The following PKHD1 variants were observed in gnomAD, a reference collection of about 807,000 sequenced individuals.
The protein encoded by PKHD1 is PKHD1 ciliary IPT domain containing fibrocystin/polyductin.
PKHD1 carries 291 observed loss-of-function variants against 412.0 expected under a neutral mutation model. The ratio of observed to expected loss-of-function variants is 0.71; its 90% confidence interval spans 0.64 to 0.78. PKHD1 has a LOEUF of 0.78. Among genes scored for constraint, PKHD1 ranks in the 30% least tolerant of loss-of-function variants. The probability of loss-of-function intolerance (pLI) is 0.00; values close to 1 mark genes in which losing one functional copy is unlikely to be tolerated. For missense variants in PKHD1, 4,825 were observed against 4,950.7 expected, an observed-to-expected ratio of 0.97 and a Z score of 0.76; for synonymous variants, 1,777 against 1,821.5, an observed-to-expected ratio of 0.98 and a Z score of 0.62.
chr6:51,807,437 CAAAA>C (rs1174429085), intron 52 of PKHD1, among the ~76,000 whole-genome samples: 697 of 38,966 alleles, frequency 0.018, 25 homozygotes, highest in African/African-American at 0.053. Context: ...GACTCTGTCT[CAAAA>C]AAAAAAAAAA....
chr6:51,927,849 G>A (rs1052292157), intron 37 of PKHD1, among the ~76,000 whole-genome samples: 8 of 152,224 alleles, frequency 5.3e-5, no homozygotes, highest in African/African-American at 1.9e-4. Flanking sequence ...CAACTTTCTA[G>A]TACTCCACCA....
chr6:51,758,662 T>C (rs1787471640), intron 55 of PKHD1, among the ~76,000 whole-genome samples: 1 of 152,002 alleles, frequency 6.6e-6, no homozygotes, highest in Non-Finnish European at 1.5e-5. Context: ...ATGGAAACCA[T>C]ATGAGAAGAG....
intron 55 of PKHD1, among the ~76,000 whole-genome samples, chr6:51,762,454 C>T (rs888771317): frequency 6.6e-6 from 1 of 152,030 alleles, no homozygotes; most frequent in Non-Finnish European, 1.5e-5. Context: ...TTTTGTTCAT[C>T]AGTCTTCACA....
At chr6:51,854,149 C>T (rs778553710) in intron 49 of PKHD1, among the ~76,000 whole-genome samples, 1 of 151,686 alleles carries the variant, frequency 6.6e-6, no homozygotes, top group African/African-American at 2.4e-5. Flanking sequence ...CTGTTGTTGT[C>T]GCTTTCTGCT....
chr6:52,043,741 G>T lies in PKHD1; in HGVS notation c.2716-11C>A. The T allele has an allele frequency of 6.2e-7, 1 of 1,604,204 alleles. No individual in the cohort carries two copies. Among genetic ancestry groups the T allele is most frequent in the Non-Finnish European group, 8.5e-7 (1 of 1,171,126 alleles). ...CACTCGCACAACCACCTGAAATGAG[G>T]CAAAATTTCTTTTCCATTTTATGCA... On this transcript the variant is annotated splice_polypyrimidine_tract_variant and intron_variant, in intron 25 of 66. Coordinates refer to ENST00000371117, the MANE Select transcript of PKHD1 (RefSeq NM_138694.4).
At chr6:51,946,846 G>A (rs1789523733) in intron 36 of PKHD1, among the ~76,000 whole-genome samples, 1 of 152,126 alleles carries the variant, frequency 6.6e-6, no homozygotes, top group African/African-American at 2.4e-5. Flanking sequence ...ACTTTTAGCA[G>A]CTAGCTAATG....
At chr6:51,741,885 G>C (rs192182760) in intron 60 of PKHD1, among the ~76,000 whole-genome samples, 43 of 152,150 alleles carry the variant, frequency 2.8e-4, no homozygotes, top group Non-Finnish European at 5.0e-4. Context: ...AAATACTCTG[G>C]AACATACATC....
At chr6:51,996,543 T>G (rs1797736199) in intron 35 of PKHD1, among the ~76,000 whole-genome samples, 1 of 152,238 alleles carries the variant, frequency 6.6e-6, no homozygotes, top group African/African-American at 2.4e-5. Context: ...TAACTGACTT[T>G]AAAGTCCTGC....
chr6:51,971,146 T>C (rs1270055), intron 35 of PKHD1, among the ~76,000 whole-genome samples: 5,714 of 152,282 alleles, frequency 0.038, 376 homozygotes, highest in African/African-American at 0.13. Flanking sequence ...TGGTTAAATA[T>C]ATTCGTAAGT....
At chr6:51,870,800 T>A (rs1260097847) in intron 46 of PKHD1, among the ~76,000 whole-genome samples, 161 bp from the exon 47 acceptor site, 1 of 151,242 alleles carries the variant, frequency 6.6e-6, no homozygotes, top group African/African-American at 2.4e-5. Context: ...ATATCCAGAA[T>A]ATAGAAAGAA....
rs1049533058 is a variant in PKHD1, at chr6:51,772,559, C to G, written c.8642+143G>C. The G allele has an allele frequency of 3.0e-5, 16 of 539,134 alleles. No individual in the cohort carries two copies. In the East Asian group the frequency reaches 4.6e-4, roughly 16 times the overall value. 33.4% of individuals were successfully genotyped at this position (539,134 alleles called of 1,614,324 possible). ...GTTATAGAGATATTTTTTAAATTCC[C>G]TATAATCGCTTATTTTTCTACTTGC... On this transcript the variant is annotated intron_variant, in intron 55 of 66. Transcript: ENST00000371117.
chr6:51,891,712 A>AACAC (rs58262423), intron 43 of PKHD1, among the ~76,000 whole-genome samples: 18,276 of 143,726 alleles, frequency 0.13, 1,271 homozygotes, highest in Non-Finnish European at 0.18. Context: ...TTCCACAAGG[A>AACAC]ACACACACAC....
intron 43 of PKHD1, among the ~76,000 whole-genome samples, chr6:51,899,610 A>G (rs1368812561): frequency 6.6e-6 from 1 of 151,122 alleles, no homozygotes; most frequent in Non-Finnish European, 1.5e-5. Context: ...CTGGCACAAG[A>G]CAGGGATGCC....
intron 21 of PKHD1, among the ~76,000 whole-genome samples, chr6:52,051,943 C>T (rs1017198216): frequency 6.6e-6 from 1 of 152,056 alleles, no homozygotes; most frequent in East Asian, 1.9e-4. Flanking sequence ...AGCAATGACC[C>T]AGATGTCCCC....
At chr6:51,631,128 C>A (rs957976048) in intron 65 of PKHD1, among the ~76,000 whole-genome samples, 3 of 152,076 alleles carry the variant, frequency 2.0e-5, no homozygotes, top group Non-Finnish European at 2.9e-5. Context: ...CCCTGCATGG[C>A]TACTAGGTTT....
chr6:51,980,591 C>A (rs1795010995), intron 35 of PKHD1, among the ~76,000 whole-genome samples: 1 of 152,034 alleles, frequency 6.6e-6, no homozygotes, highest in African/African-American at 2.4e-5. Context: ...TTGAAAAAAA[C>A]CAACACACAA....
intron 5 of PKHD1, among the ~76,000 whole-genome samples, chr6:52,077,648 G>T (rs916346452): frequency 6.6e-6 from 1 of 152,294 alleles, no homozygotes; most frequent in African/African-American, 2.4e-5. Context: ...CTTGCCAGGC[G>T]TAGGTTTTAA....
Position 51,754,950 on chromosome 6 carries a change from T to C in PKHD1, c.8643-12A>G. On this transcript the variant is annotated splice_polypyrimidine_tract_variant and intron_variant, in intron 55 of 66. Transcript: ENST00000371117. ...CTTCTACTATAATTCTGTAACAGCA[T>C]AACAATGGCATTGGATATACTAACA... The C allele has an allele frequency of 6.2e-7, 1 of 1,610,858 alleles. No homozygotes were observed. Among genetic ancestry groups the C allele is most frequent in the Non-Finnish European group, 8.5e-7 (1 of 1,177,182 alleles).
intron 60 of PKHD1, among the ~76,000 whole-genome samples, chr6:51,668,682 T>C (rs1243129564): frequency 6.6e-6 from 1 of 152,224 alleles, no homozygotes; most frequent in East Asian, 1.9e-4. Context: ...GGCTGTGGGT[T>C]TTTCATAGAT....
Sources: gnomAD v4.1 joint callset for allele counts (sites outside exome capture counted in the v4.1 genomes callset) on GRCh38, gnomAD v4.1.1 for gene constraint, MANE v1.5 for transcripts, NCBI Gene and HGNC (gene_info 2026-07-23, HGNC 2026-07-21) for gene names.